The following DDX28 variants were observed in gnomAD, a reference collection of about 807,000 sequenced individuals.
The protein encoded by DDX28 is probable ATP-dependent RNA helicase DDX28.
DDX28 carries 25 observed loss-of-function variants against 26.8 expected under a neutral mutation model. The ratio of observed to expected loss-of-function variants is 0.93; its 90% CI spans 0.68 to 1.30. The LOEUF is 1.30. Among genes scored for constraint, DDX28 ranks in the 50% most tolerant of loss-of-function variants. The pLI is 0.00. For synonymous variants in DDX28, 370 were observed against 311.9 expected (o/e 1.19, Z -1.96); for missense variants, 790 against 695.1 (o/e 1.14, Z -1.53).
Position 68,022,477 on chromosome 16 carries a change from G to C in DDX28, c.726C>G (p.Gly242=). 1 of 1,613,868 alleles carries C rather than the reference G, an allele frequency of 6.2e-7. No homozygotes were observed. The highest frequency in any genetic ancestry group is 1.7e-5 in the Admixed American group (1 of 60,028). ...ACAGCTGCAGCCTGATCCTACGCAT[G>C]CCGTGGCCTCCCTCCAGGTCCCGCA... ...LLVRDLEGGH[G]MRRIRLQLSR... The change falls in exon 1 of 1, where the codon GGC becomes GGG. Residue 242 remains glycine, a synonymous_variant. Transcript: ENST00000332395.
chr16:68,022,530 G>A lies in DDX28; in HGVS notation c.673C>T (p.Pro225Ser). 1 of 1,613,938 alleles carries A rather than the reference G, an allele frequency of 6.2e-7. No individual in the cohort carries two copies. Among genetic ancestry groups the A allele is most frequent in the Non-Finnish European group, 8.5e-7 (1 of 1,180,022 alleles). ...LAQQVRAVAQ[P>S]LGRSLGLLVR... ...AGCAGGCCCAAGGAGCGGCCCAAGGGTTGGGCCACAGCCCGCACCTGTTGG... is the reference window on the plus strand; with the variant it reads ...AGCAGGCCCAAGGAGCGGCCCAAGGATTGGGCCACAGCCCGCACCTGTTGG... The change falls in exon 1 of 1, where the codon CCC becomes TCC. Residue 225 changes from proline to serine, a missense_variant. Physicochemically the swap from Pro to Ser is moderately conservative, Grantham distance 74. Transcript: ENST00000332395.
chr16:68,022,982 G>C lies in DDX28; in HGVS notation c.221C>G (p.Pro74Arg), dbSNP rs1242237548. The change falls in exon 1 of 1, where the codon CCG (proline) becomes CGG (arginine). Residue 74 changes from proline to arginine, a missense_variant. Pro to Arg is a moderately radical substitution (Grantham distance 103). Transcript: ENST00000332395. ...PGPLLVSARR[P>R]ELNQPARLTL... is the part of the protein sequence containing the mutation. Reference sequence around the variant, plus strand: ...GAGGCGCGCCGGCTGGTTCAACTCCGGCCGCCGCGCCGAAACCAGCAGCGG... The same window carrying C: ...GAGGCGCGCCGGCTGGTTCAACTCCCGCCGCCGCGCCGAAACCAGCAGCGG... 6.4e-7 allele frequency: 1 copy of C among 1,551,860 alleles called. No homozygotes were observed. The highest frequency in any genetic ancestry group is 8.6e-7 in the Non-Finnish European group (1 of 1,156,886).
chr16:68,021,491 G>C lies in DDX28; in HGVS notation c.*89C>G. 6.9e-7 allele frequency: 1 copy of C among 1,442,276 alleles called. No homozygotes were observed. The highest frequency in any genetic ancestry group is 1.4e-5 in the African/African-American group (1 of 71,192). The allele number at this position is 1,442,276 out of a possible 1,614,324, so 89.3% of individuals were successfully genotyped here. A position where few individuals can be genotyped will look rare whatever the true frequency, so the allele number is the denominator to read the frequency against. On this transcript the variant is annotated 3_prime_UTR_variant, in exon 1 of 1. Transcript: ENST00000332395. ...CTCAAGGAGCCGACAGGGCAGCCCA[G>C]AGCCTCCCACTGACAAGTGTGGTCA...
Position 68,022,616 on chromosome 16 carries a change from A to G in DDX28, c.587T>C (p.Leu196Pro). The G allele has an allele frequency of 6.2e-7, 1 of 1,613,480 alleles. No homozygotes were observed. The highest frequency in any genetic ancestry group is 1.1e-5 in the South Asian group (1 of 91,050). ...GGGCGCGGGGATAGGAAGGGAGTCC[A>G]GGCTTGGCTGGCCCAAGAGCCGTTG... ...LLQRLLGQPS[L>P]DSLPIPAPRG... is the part of the protein sequence containing the mutation. The change falls in exon 1 of 1, where the codon CTG (leucine) becomes CCG (proline). Residue 196 changes from leucine (L) to proline (P), a missense_variant. By Grantham distance (98) the Leu-to-Pro change is moderately conservative (BLOSUM62 -3). Transcript: ENST00000332395.
chr16:68,022,954 T>G lies in DDX28; in HGVS notation c.249A>C (p.Thr83=). The G allele has an allele frequency of 1.3e-6, 2 of 1,551,690 alleles. No homozygotes were observed. The highest frequency in any genetic ancestry group is 2.4e-5 in the East Asian group (1 of 41,720). ...RPELNQPARL[T]LGRWERAPLA... is the part of the protein sequence containing the mutation. ...GCGGCGCGCGCTCCCAACGGCCCAG[T>G]GTGAGGCGCGCCGGCTGGTTCAACT... Residue 83 remains threonine, a synonymous_variant, in exon 1 of 1, where the codon ACA becomes ACC. Transcript: ENST00000332395.
At position 68,022,967 on chromosome 16, in the gene DDX28, G is replaced by C; in HGVS notation, c.236C>G (p.Pro79Arg). ...CCAACGGCCCAGTGTGAGGCGCGCC[G>C]GCTGGTTCAACTCCGGCCGCCGCGC... ...VSARRPELNQ[P>R]ARLTLGRWER... Residue 79 changes from proline to arginine, a missense_variant, in exon 1 of 1, where the codon CCG (proline) becomes CGG (arginine). Physicochemically the swap from Pro to Arg is moderately radical, Grantham distance 103 (BLOSUM62 -2). Transcript: ENST00000332395. The C allele has an allele frequency of 6.5e-7, 1 of 1,549,878 alleles. No individual in the cohort carries two copies. The highest frequency in any genetic ancestry group is 1.2e-5 in the South Asian group (1 of 86,540).
chr16:68,023,025 C>G lies in DDX28; in HGVS notation c.178G>C (p.Val60Leu). 6.3e-7 allele frequency: 1 copy of G among 1,585,740 alleles called. No individual in the cohort carries two copies. The highest frequency in any genetic ancestry group is 8.5e-7 in the Non-Finnish European group (1 of 1,174,018). ...QSRRRNLPRP[V>L]LVRPGPLLVS... ...AGCAGCGGTCCGGGTCGAACCAGCA[C>G]CGGCCTCGGGAGGTTCCGCCGCCTG... Residue 60 changes from valine to leucine, a missense_variant, in exon 1 of 1, where the codon GTG becomes CTG. By Grantham distance (32) the Val-to-Leu change is conservative. Transcript: ENST00000332395.
chr16:68,023,093 C>A lies in DDX28; in HGVS notation c.110G>T (p.Arg37Leu), dbSNP rs1462149273. The A allele has an allele frequency of 6.2e-7, 1 of 1,602,364 alleles. No homozygotes were observed. The highest frequency in any genetic ancestry group is 1.7e-4 in the Middle Eastern group (1 of 6,056). Residue 37 changes from arginine (R) to leucine (L), a missense_variant, in exon 1 of 1, where the codon CGC (arginine) becomes CTC (leucine). Coordinates refer to ENST00000332395, the MANE Select transcript of DDX28 (RefSeq NM_018380.4). ...CTGCCGCTGTAGAGCCACTGGGATG[C>A]GCACCACCGGCAGGGGTTCGTCGGG... ...RSPDEPLPVV[R>L]IPVALQRQLE...
rs1295729863 is a variant in DDX28, at chr16:68,022,944, A to C, written c.259T>G (p.Trp87Gly). The change falls in exon 1 of 1, where the codon TGG becomes GGG. Residue 87 changes from tryptophan to glycine, a missense_variant. Physicochemically the swap from Trp to Gly is radical, Grantham distance 184. Transcript: ENST00000332395. Reference protein sequence around the residue: ...NQPARLTLGRWERAPLASQGW... With the variant: ...NQPARLTLGRGERAPLASQGW... The stretch of plus-strand genomic sequence containing the variant: ...TGAGAGGCTAGCGGCGCGCGCTCCC[A>C]ACGGCCCAGTGTGAGGCGCGCCGGC... The C allele has an allele frequency of 2.6e-6, 4 of 1,548,114 alleles. No homozygotes were observed. Among genetic ancestry groups the C allele is most frequent in the Non-Finnish European group, 3.5e-6 (4 of 1,153,180 alleles).
At position 68,021,839 on chromosome 16, in the gene DDX28, T is replaced by C; in HGVS notation, c.1364A>G (p.Asp455Gly). ...KSSRDILLCT[D>G]IASRGLDSTG... is the part of the protein sequence containing the mutation. ...GCTGTCCAGGCCCCGAGAGGCTATG[T>C]CTGTGCAGAGAAGTATGTCTCGGGA... The change falls in exon 1 of 1, where the codon GAC becomes GGC. Residue 455 changes from aspartate to glycine, a missense_variant. Asp to Gly is a moderately conservative substitution (Grantham distance 94, BLOSUM62 -1). Coordinates refer to ENST00000332395, the MANE Select transcript of DDX28 (RefSeq NM_018380.4). 6.2e-7 allele frequency: 1 copy of C among 1,614,194 alleles called. No individual in the cohort carries two copies. The highest frequency in any genetic ancestry group is 1.1e-5 in the South Asian group (1 of 91,074).
In DDX28 at chr16:68,023,158, C is replaced by G; in HGVS notation, c.45G>C (p.Arg15=). The change falls in exon 1 of 1, where the codon CGG becomes CGC. Residue 15 remains arginine, a synonymous_variant. Transcript: ENST00000332395. ...RPVRLFSLVT[R]LLLAPRRGLT... Reference sequence around the variant, plus strand: ...GGCCCCGTCGCGGCGCCAGGAGCAACCGAGTCACGAGGGAAAAGAGCCGCA... The same window carrying G: ...GGCCCCGTCGCGGCGCCAGGAGCAAGCGAGTCACGAGGGAAAAGAGCCGCA... 1 of 1,608,450 alleles carries G rather than the reference C, an allele frequency of 6.2e-7. No individual in the cohort carries two copies. The highest frequency in any genetic ancestry group is 8.5e-7 in the Non-Finnish European group (1 of 1,179,744).
rs760965246 is a variant in DDX28 at position 68,021,535 on chromosome 16, A to C, written c.*45T>G. ...GTGGTCACCCACTCAAGATACTGGG[A>C]AAGATCCCTGTTCTAGCATCACATT... is the stretch of plus-strand genomic sequence containing the variant. On this transcript the variant is annotated 3_prime_UTR_variant, in exon 1 of 1. Transcript: ENST00000332395. The C allele has an allele frequency of 6.3e-6, 10 of 1,575,984 alleles. No individual in the cohort carries two copies. The African/African-American group carries it at 8.1e-5, about 13-fold the overall frequency.
chr16:68,023,224 G>A lies in DDX28; in HGVS notation c.-22C>T. On this transcript the variant is annotated 5_prime_UTR_variant, in exon 1 of 1. Coordinates refer to ENST00000332395, the MANE Select transcript of DDX28 (RefSeq NM_018380.4). The stretch of plus-strand genomic sequence containing the variant: ...CCATGTTTCCCTTAGTGCGGGAGAA[G>A]CGCACATCAGTGACGTCACGGACGC... 2 of 1,594,262 alleles carry A rather than the reference G, an allele frequency of 1.3e-6. No homozygotes were observed. Among genetic ancestry groups the A allele is most frequent in the Non-Finnish European group, 8.6e-7 (1 of 1,169,306 alleles).
Position 68,021,689 on chromosome 16 carries a change from T to G in DDX28, c.1514A>C (p.His505Pro). ...CTGAACCAGGCTCACATCCCAGGGA[T>G]GGGTCACAAAACTGATGACGGTGCC... ...VPGTVISFVT[H>P]PWDVSLVQKI... The change falls in exon 1 of 1, where the codon CAT becomes CCT. Residue 505 changes from histidine (H) to proline (P), a missense_variant. His to Pro is a moderately conservative substitution (Grantham distance 77, BLOSUM62 -2). Coordinates refer to ENST00000332395, the MANE Select transcript of DDX28 (RefSeq NM_018380.4). 1 of 1,614,214 alleles carries G rather than the reference T, an allele frequency of 6.2e-7. No homozygotes were observed. The highest frequency in any genetic ancestry group is 8.5e-7 in the Non-Finnish European group (1 of 1,180,044).
Position 68,021,387 on chromosome 16 carries a change from G to T in DDX28, c.*193C>A. ...CACTTGTGTCTTGCTAAAGACTACA[G>T]AAAGCCATGCTCAGCAGCTTCTTCT... On this transcript the variant is annotated 3_prime_UTR_variant, in exon 1 of 1. Coordinates refer to ENST00000332395, the MANE Select transcript of DDX28 (RefSeq NM_018380.4). 2 of 606,666 alleles carry T rather than the reference G, an allele frequency of 3.3e-6. No homozygotes were observed. The highest frequency in any genetic ancestry group is 5.8e-6 in the Non-Finnish European group (2 of 347,700). The allele number at this position is 606,666 out of a possible 1,614,324, so 37.6% of individuals were successfully genotyped here.
rs760482645 is a variant in DDX28 at position 68,022,775 on chromosome 16, T to C, written c.428A>G (p.Glu143Gly). Residue 143 changes from glutamate (E) to glycine (G), a missense_variant, in exon 1 of 1, where the codon GAG becomes GGG. Glu to Gly is a moderately conservative substitution (Grantham distance 98). Coordinates refer to ENST00000332395, the MANE Select transcript of DDX28 (RefSeq NM_018380.4). ...GGGCTGAACGACTTCAGGCGCAGCC[T>C]CCTGTAGTGCGTGCAGCACACGGGG... The part of the protein sequence containing the change: ...LEPRVLHALQ[E>G]AAPEVVQPTT... 1 of 1,608,138 alleles carries C rather than the reference T, an allele frequency of 6.2e-7. No homozygotes were observed. Among genetic ancestry groups the C allele is most frequent in the Admixed American group, 1.7e-5 (1 of 59,300 alleles).
Position 68,022,943 on chromosome 16 carries a change from C to A in DDX28, c.260G>T (p.Trp87Leu). The change falls in exon 1 of 1, where the codon TGG becomes TTG. Residue 87 changes from tryptophan (W) to leucine (L), a missense_variant. Transcript: ENST00000332395. ...TTGAGAGGCTAGCGGCGCGCGCTCC[C>A]AACGGCCCAGTGTGAGGCGCGCCGG... ...NQPARLTLGR[W>L]ERAPLASQGW... 2 of 1,548,070 alleles carry A rather than the reference C, an allele frequency of 1.3e-6. No homozygotes were observed. The highest frequency in any genetic ancestry group is 1.4e-5 in the African/African-American group (1 of 73,394).
Position 68,023,217 on chromosome 16 carries a change from G to C in DDX28, c.-15C>G. On this transcript the variant is annotated 5_prime_UTR_variant, in exon 1 of 1. Transcript: ENST00000332395. Reference sequence around the variant, plus strand: ...GTTAGAGCCATGTTTCCCTTAGTGCGGGAGAAGCGCACATCAGTGACGTCA... The same window carrying C: ...GTTAGAGCCATGTTTCCCTTAGTGCCGGAGAAGCGCACATCAGTGACGTCA... The C allele has an allele frequency of 1.9e-6, 3 of 1,600,374 alleles. No homozygotes were observed. The South Asian group carries it at 3.4e-5, about 18-fold the overall frequency.
rs754371841 is a variant in DDX28 at position 68,022,124 on chromosome 16, C to G, written c.1079G>C (p.Cys360Ser). The G allele has an allele frequency of 6.2e-7, 1 of 1,614,214 alleles. No individual in the cohort carries two copies. The highest frequency in any genetic ancestry group is 1.1e-5 in the South Asian group (1 of 91,084). ...TGTCTGTTTCACATGAGGCATGATA[C>G]AGTGGAGCTTGGAGCTGGTGATGGT... ...VTTITSSKLHCIMPHVKQTFL... is the reference protein window; with the variant it reads ...VTTITSSKLHSIMPHVKQTFL... Residue 360 changes from cysteine (C) to serine (S), a missense_variant, in exon 1 of 1, where the codon TGT becomes TCT. Cys to Ser is a moderately radical substitution (Grantham distance 112). Coordinates refer to ENST00000332395, the MANE Select transcript of DDX28 (RefSeq NM_018380.4).
Sources: gnomAD v4.1 joint callset for allele counts on GRCh38, gnomAD v4.1.1 for gene constraint, MANE v1.5 for transcripts, NCBI Gene and HGNC (gene_info 2026-07-23, HGNC 2026-07-21) for gene names.